Variants in RAP1A observed in about 807,000 individuals in gnomAD.
RAP1A encodes the protein ras-related protein Rap-1A.
Under a neutral mutation model 26.4 loss-of-function variants are expected in RAP1A, and 6 were observed. The observed-to-expected ratio is 0.23, with a 90% CI of 0.12 to 0.45. The LOEUF (loss-of-function observed/expected upper bound fraction) is 0.45, where lower values mean the gene tolerates loss of function less well. Among genes scored for constraint, RAP1A ranks in the 20% least tolerant of loss-of-function variants. The probability of loss-of-function intolerance (pLI) is 0.99; values close to 1 mark genes in which losing one functional copy is unlikely to be tolerated. For synonymous variants in RAP1A, 73 were observed against 79.4 expected (o/e 0.92, Z 0.43); for missense variants, 121 against 217.2 (o/e 0.56, Z 2.78).
rs530117459 is a variant in RAP1A at position 111,635,788 on chromosome 1, A to G, written c.-28+15854A>G. On this transcript the variant is annotated intron_variant, in intron 1 of 7. Transcript: ENST00000369709. ...ACCATGTTGACCAGGCTGGTCTTGAACTCCTGACCTCTGACCTCAGGTGAT... is the reference window on the plus strand; with the variant it reads ...ACCATGTTGACCAGGCTGGTCTTGAGCTCCTGACCTCTGACCTCAGGTGAT... 1.1e-4 allele frequency among the ~76,000 whole-genome samples: 16 copies of G among 151,588 alleles called. No homozygotes were observed. The South Asian group carries it at 2.9e-3, about 28-fold the overall frequency.
chr1:111,550,296 T>C (rs958672268), intron 1 of RAP1A, among the ~76,000 whole-genome samples: 1 of 152,202 alleles, frequency 6.6e-6, no homozygotes, highest in African/African-American at 2.4e-5. Flanking sequence ...TCATTGATTT[T>C]CTCTAATATT....
intron 1 of RAP1A, among the ~76,000 whole-genome samples, chr1:111,581,603 A>G (rs575258575): frequency 2.6e-4 from 40 of 152,378 alleles, no homozygotes; most frequent in African/African-American, 9.4e-4. Context: ...CACAATGCAT[A>G]TTTGTTAAAT....
chr1:111,645,500 G>A (rs1167420167), intron 1 of RAP1A, among the ~76,000 whole-genome samples: 1 of 152,192 alleles, frequency 6.6e-6, no homozygotes, highest in Non-Finnish European at 1.5e-5. Flanking sequence ...CACCAATGAA[G>A]AGAAAGTTTA....
chr1:111,696,826 A>G lies in RAP1A; in HGVS notation c.127-615A>G, dbSNP rs148134024. Among the ~76,000 whole-genome samples the G allele has an allele frequency of 7.1e-3, 1,084 of 152,266 alleles. 17 individuals are homozygous for G. Among genetic ancestry groups the G allele is most frequent in the African/African-American group, 0.024 (1,013 of 41,556 alleles). ...TGGGTAAATAGAACTCAGTGTATAAAATTTCACCTTTCACATAGAGCTTTT... is the reference window on the plus strand; with the variant it reads ...TGGGTAAATAGAACTCAGTGTATAAGATTTCACCTTTCACATAGAGCTTTT... On this transcript the variant is annotated intron_variant, in intron 3 of 7. Transcript: ENST00000369709.
At chr1:111,709,710 T>A (rs1662318423) in intron 7 of RAP1A, among the ~76,000 whole-genome samples, 1 of 152,252 alleles carries the variant, frequency 6.6e-6, no homozygotes, top group African/African-American at 2.4e-5. Context: ...TCTGCCCTGA[T>A]TTCTAACTCC....
At chr1:111,570,343 C>A (rs952152340) in intron 1 of RAP1A, among the ~76,000 whole-genome samples, 4 of 152,192 alleles carry the variant, frequency 2.6e-5, no homozygotes, top group Non-Finnish European at 5.9e-5. Context: ...GGGCACCTAT[C>A]AAAATGGCTT....
chr1:111,607,828 C>T, intron 1 of RAP1A, among the ~76,000 whole-genome samples: 1 of 125,562 alleles, frequency 8.0e-6, no homozygotes, highest in South Asian at 2.4e-4. Flanking sequence ...CTGACCCCCC[C>T]ACCTCCCTCC....
At chr1:111,676,926 C>T (rs1661143698) in intron 1 of RAP1A, among the ~76,000 whole-genome samples, 1 of 151,798 alleles carries the variant, frequency 6.6e-6, no homozygotes, top group Admixed American at 6.6e-5. Context: ...CCCGAGTAGC[C>T]AGGATTACAG....
intron 1 of RAP1A, among the ~76,000 whole-genome samples, chr1:111,685,120 A>G (rs1217124739): frequency 6.6e-6 from 1 of 152,228 alleles, no homozygotes; most frequent in Non-Finnish European, 1.5e-5. Context: ...TATAAAAATT[A>G]AGTCAAGATG....
rs74714154 is a variant in RAP1A at position 111,576,176 on chromosome 1, C to T, written c.-28+33667C>T. ...TGCAAATTCTGGTTCAGTGGGTCTA[C>T]GGTCTGCATTTCAAACAAGCTCCCA... is the stretch of plus-strand genomic sequence containing the variant. On this transcript the variant is annotated intron_variant, in intron 1 of 7. Transcript: ENST00000356415. Among the ~76,000 whole-genome samples the T allele has an allele frequency of 0.02, 3,078 of 152,212 alleles. 163 individuals are homozygous for T. The East Asian group carries it at 0.22, about 11-fold the overall frequency.
At chr1:111,607,487 C>T (rs199831601) in intron 1 of RAP1A, among the ~76,000 whole-genome samples, 27,882 of 152,152 alleles carry the variant, frequency 0.18, 2,953 homozygotes, top group South Asian at 0.24. Context: ...TCCACAAAAC[C>T]GCCATTGTCA....
intron 1 of RAP1A, among the ~76,000 whole-genome samples, chr1:111,558,997 TCA>T (rs1187743141): frequency 6.6e-6 from 1 of 152,112 alleles, no homozygotes; most frequent in Non-Finnish European, 1.5e-5. Flanking sequence ...TTAAAAATAA[TCA>T]GTTTCCCAGA....
intron 1 of RAP1A, among the ~76,000 whole-genome samples, chr1:111,592,015 C>A (rs745538281): frequency 3.9e-5 from 6 of 152,086 alleles, no homozygotes; most frequent in Non-Finnish European, 5.9e-5. Flanking sequence ...CTCTGGACCT[C>A]GAGGGCTGGC....
intron 1 of RAP1A, among the ~76,000 whole-genome samples, chr1:111,567,309 G>T (rs1399812387): frequency 6.6e-6 from 1 of 152,174 alleles, no homozygotes; most frequent in African/African-American, 2.4e-5. Flanking sequence ...TAAGATACGT[G>T]AATTACTTAA....
chr1:111,628,306 C>G (rs767694459), intron 1 of RAP1A, among the ~76,000 whole-genome samples: 1 of 152,104 alleles, frequency 6.6e-6, no homozygotes, highest in Non-Finnish European at 1.5e-5. Context: ...TGAGCAGTGG[C>G]AGCAGGAGGG....
chr1:111,624,963 C>T (rs1571506224), intron 1 of RAP1A, among the ~76,000 whole-genome samples: 1 of 151,790 alleles, frequency 6.6e-6, no homozygotes, highest in African/African-American at 2.4e-5. Context: ...TCAAATTTTC[C>T]CAGTGTTTCT....
intron 1 of RAP1A, among the ~76,000 whole-genome samples, chr1:111,559,168 G>T (rs1404240360): frequency 6.6e-6 from 1 of 151,078 alleles, no homozygotes; most frequent in Admixed American, 6.6e-5. Context: ...AAACTTGTGG[G>T]ATACAACTAA....
At chr1:111,611,391 C>G (rs1287806204) in intron 1 of RAP1A, among the ~76,000 whole-genome samples, 1 of 151,994 alleles carries the variant, frequency 6.6e-6, no homozygotes, top group Non-Finnish European at 1.5e-5. Context: ...GTTGTGTTAG[C>G]TCAGTTTGTT....
chr1:111,574,690 C>G (rs1303335686), intron 1 of RAP1A, among the ~76,000 whole-genome samples: 2 of 152,202 alleles, frequency 1.3e-5, no homozygotes, highest in African/African-American at 2.4e-5. Flanking sequence ...GGACACAGCA[C>G]TTTCAGGCTA....
Sources: allele counts gnomAD v4.1 joint callset (sites outside exome capture counted in the v4.1 genomes callset), GRCh38; gene constraint gnomAD v4.1.1; transcripts MANE v1.5; gene names NCBI Gene and HGNC (gene_info 2026-07-23, HGNC 2026-07-21).